SDK1: variants seen among roughly 807,000 people sequenced by gnomAD.
SDK1 encodes sidekick cell adhesion molecule 1, also known as protein sidekick-1.
SDK1 carries 157 observed loss-of-function variants against 245.5 expected under a neutral mutation model. That is an observed-to-expected ratio of 0.64 (90% CI 0.56 to 0.73). The LOEUF (loss-of-function observed/expected upper bound fraction) is 0.73. Among genes scored for constraint, SDK1 ranks in the 30% least tolerant of loss-of-function variants. The pLI is 0.00. For missense variants in SDK1, 3,583 were observed against 3,002.3 expected (o/e 1.19, Z -4.52); for synonymous variants, 1,647 against 1,278.5 (o/e 1.29, Z -6.15).
intron 1 of SDK1, among the ~76,000 whole-genome samples, chr7:3,307,263 C>T (rs7810296): frequency 6.6e-5 from 10 of 152,144 alleles, no homozygotes; most frequent in African/African-American, 2.2e-4. Flanking sequence ...CATAAACGTT[C>T]GTAGCCATAA....
intron 1 of SDK1, among the ~76,000 whole-genome samples, chr7:3,326,149 A>G (rs1779935339): frequency 1.3e-5 from 2 of 152,156 alleles, no homozygotes; most frequent in Admixed American, 6.5e-5. Context: ...GTTCACTGCA[A>G]ATTGTAGAGT....
intron 1 of SDK1, among the ~76,000 whole-genome samples, chr7:3,465,709 C>T (rs111780723): frequency 3.3e-5 from 5 of 152,186 alleles, no homozygotes; most frequent in African/African-American, 4.8e-5. Context: ...ATCATTCAGG[C>T]GCGTGTCTGG....
rs182958530 is a variant in SDK1, at chr7:4,248,140, A to G, written c.6381+2335A>G. ...CCCGTGAACTGAGCTAAGCATATAC[A>G]TTCACGTATGCATGCACACATGAAC... On this transcript the variant is annotated intron_variant, in intron 44 of 44. Transcript: ENST00000404826. Among the ~76,000 whole-genome samples the G allele has an allele frequency of 3.5e-3, 527 of 152,276 alleles. 4 individuals carry two copies. Among genetic ancestry groups the G allele is most frequent in the African/African-American group, 0.012 (506 of 41,532 alleles).
chr7:3,563,622 T>C (rs1327691683), intron 1 of SDK1, among the ~76,000 whole-genome samples: 1 of 152,208 alleles, frequency 6.6e-6, no homozygotes, highest in African/African-American at 2.4e-5. Flanking sequence ...TTTAACACAC[T>C]GTTCTCAGAA....
intron 5 of SDK1, among the ~76,000 whole-genome samples, chr7:3,944,771 CAAAA>C (rs911387956): frequency 4.6e-5 from 7 of 152,036 alleles, no homozygotes; most frequent in African/African-American, 1.7e-4. Flanking sequence ...TCCACAATGA[CAAAA>C]AGAAAGGGAG....
chr7:3,990,500 C>G (rs1784217701), intron 14 of SDK1, among the ~76,000 whole-genome samples: 1 of 152,206 alleles, frequency 6.6e-6, no homozygotes, highest in African/African-American at 2.4e-5. Flanking sequence ...GAAGAGTTTC[C>G]TGAGGATGGC....
chr7:3,564,918 C>T (rs993686865), intron 1 of SDK1, among the ~76,000 whole-genome samples: 2 of 151,774 alleles, frequency 1.3e-5, no homozygotes, highest in East Asian at 1.9e-4. Flanking sequence ...GGCAAAAATG[C>T]GATTATCTCA....
At chr7:4,234,756 A>T (rs73674251) in intron 41 of SDK1, among the ~76,000 whole-genome samples, 1 of 152,146 alleles carries the variant, frequency 6.6e-6, no homozygotes, top group African/African-American at 2.4e-5. Flanking sequence ...CCCCGCGATG[A>T]TTCTATCGTG....
At position 3,905,069 on chromosome 7, in the gene SDK1, A is replaced by C. The variant is rs549172055; in HGVS notation, c.848-45854A>C. 5.9e-5 allele frequency among the ~76,000 whole-genome samples: 9 copies of C among 152,110 alleles called. No individual in the cohort carries two copies. The East Asian group carries it at 1.2e-3, about 20-fold the overall frequency. On this transcript the variant is annotated intron_variant, in intron 5 of 44. Coordinates refer to ENST00000404826, the MANE Select transcript of SDK1 (RefSeq NM_152744.4). ...ACAGTCGTAACTTTTATGATATATGAATTATATCTCAATAAAAATACAATC... is the reference window on the plus strand; with the variant it reads ...ACAGTCGTAACTTTTATGATATATGCATTATATCTCAATAAAAATACAATC...
At chr7:3,475,654 C>T (rs1381718880) in intron 1 of SDK1, among the ~76,000 whole-genome samples, 3 of 152,086 alleles carry the variant, frequency 2.0e-5, no homozygotes, top group East Asian at 1.9e-4. Flanking sequence ...AGGTTTTCCC[C>T]CTCCAGATGA....
At chr7:3,491,072 C>T (rs1473525844) in intron 1 of SDK1, among the ~76,000 whole-genome samples, 1 of 152,178 alleles carries the variant, frequency 6.6e-6, no homozygotes, top group Admixed American at 6.6e-5. Flanking sequence ...AGGTGTTATC[C>T]CATTTTATAG....
intron 5 of SDK1, among the ~76,000 whole-genome samples, chr7:3,895,471 G>T (rs1781579157): frequency 6.6e-6 from 1 of 152,118 alleles, no homozygotes; most frequent in Admixed American, 6.5e-5. Context: ...GGGGAAATGT[G>T]GCTAGCCACA....
At chr7:3,466,997 C>T (rs1419349011) in intron 1 of SDK1, among the ~76,000 whole-genome samples, 3 of 141,850 alleles carry the variant, frequency 2.1e-5, no homozygotes, top group Non-Finnish European at 4.5e-5. Context: ...CACACACACA[C>T]ACACACACAC....
chr7:3,512,056 C>T (rs1411280226), intron 1 of SDK1, among the ~76,000 whole-genome samples: 1 of 151,794 alleles, frequency 6.6e-6, no homozygotes, highest in Non-Finnish European at 1.5e-5. Context: ...GGTGTGTATT[C>T]ATCATCACAG....
chr7:3,342,146 A>T (rs569046248), intron 1 of SDK1, among the ~76,000 whole-genome samples: 1 of 152,352 alleles, frequency 6.6e-6, no homozygotes, highest in South Asian at 2.1e-4. Flanking sequence ...TCACTGATAG[A>T]TTATTCTTCT....
chr7:3,318,869 A>G (rs2128546317), intron 1 of SDK1, among the ~76,000 whole-genome samples: 1 of 152,358 alleles, frequency 6.6e-6, no homozygotes, highest in South Asian at 2.1e-4. Flanking sequence ...TCAAGTCACT[A>G]GACAGGATGA....
chr7:3,942,741 G>A (rs1780415200), intron 5 of SDK1, among the ~76,000 whole-genome samples: 1 of 152,156 alleles, frequency 6.6e-6, no homozygotes, highest in Non-Finnish European at 1.5e-5. Flanking sequence ...CCCCATAGAT[G>A]TAGACACACT....
intron 4 of SDK1, among the ~76,000 whole-genome samples, chr7:3,792,344 C>T (rs1022743843): frequency 1.3e-5 from 2 of 152,032 alleles, no homozygotes; most frequent in Non-Finnish European, 1.5e-5. Flanking sequence ...TCTTTGCTTT[C>T]CTCTTCTCTT....
chr7:3,630,402 A>G (rs1782253130), intron 2 of SDK1, among the ~76,000 whole-genome samples: 1 of 152,254 alleles, frequency 6.6e-6, no homozygotes, highest in Admixed American at 6.5e-5. Flanking sequence ...CAACATTACA[A>G]GATAGAAGAT....
Sources: allele counts gnomAD v4.1 joint callset (sites outside exome capture counted in the v4.1 genomes callset), GRCh38; gene constraint gnomAD v4.1.1; transcripts MANE v1.5; gene names NCBI Gene and HGNC (gene_info 2026-07-23, HGNC 2026-07-21).